ADCK2: variants seen among roughly 807,000 people sequenced by gnomAD.
ADCK2 encodes aarF domain containing kinase 2, also known as uncharacterized aarF domain-containing protein kinase 2.
In ADCK2, 37 loss-of-function variants were observed where a neutral mutation model predicts 52.3. The ratio of observed to expected loss-of-function variants is 0.71; its 90% CI spans 0.54 to 0.93. The LOEUF is 0.93. Among genes scored for constraint, ADCK2 ranks in the 40% least tolerant of loss-of-function variants. The pLI is 0.00. For missense variants in ADCK2, 695 were observed against 798.7 expected (o/e 0.87, Z 1.56); for synonymous variants, 321 against 349.2 (o/e 0.92, Z 0.90).
intron 2 of ADCK2, among the ~76,000 whole-genome samples, chr7:140,676,861 A>G (rs1794427428): frequency 6.6e-6 from 1 of 152,108 alleles, no homozygotes; most frequent in Non-Finnish European, 1.5e-5. Context: ...ATCTCTACCA[A>G]AAATACAAAA....
chr7:140,683,300 A>G (rs904840640), intron 4 of ADCK2, among the ~76,000 whole-genome samples: 23 of 152,082 alleles, frequency 1.5e-4, no homozygotes, highest in Non-Finnish European at 3.4e-4. Flanking sequence ...CAAACAAACA[A>G]ACAAACATAA....
At chr7:140,689,560 G>C (rs773908966) in intron 5 of ADCK2, 37 bp from the exon 6 acceptor site, 20 of 1,560,980 alleles carry the variant, frequency 1.3e-5, no homozygotes, top group Non-Finnish European at 1.6e-5. Flanking sequence ...GTTTATGCTA[G>C]CTCCACTCCA....
intron 2 of ADCK2, among the ~76,000 whole-genome samples, chr7:140,677,875 GC>G (rs1221699538): frequency 6.6e-6 from 1 of 152,186 alleles, no homozygotes; most frequent in Admixed American, 6.5e-5. Flanking sequence ...CAGTAAAGAA[GC>G]CAGAGGAGAG....
In ADCK2 at chr7:140,679,205, C is replaced by A; in HGVS notation, c.1131C>A (p.Phe377Leu). The A allele has an allele frequency of 6.2e-7, 1 of 1,614,116 alleles. No individual in the cohort carries two copies. The highest frequency in any genetic ancestry group is 8.5e-7 in the Non-Finnish European group (1 of 1,179,996). The change falls in exon 3 of 8, where the codon TTC becomes TTA. Residue 377 changes from phenylalanine (F) to leucine (L), a missense_variant. Phe to Leu is a conservative substitution (Grantham distance 22). Coordinates refer to ENST00000072869, the MANE Select transcript of ADCK2 (RefSeq NM_052853.4). ...AQNLEHFQVN[F>L]RNVKAVKFPT... ...ATCTAGAACACTTCCAGGTCAACTT[C>A]CGGAATGTGAAAGCCGTCAAGTTCC...
In ADCK2 at chr7:140,683,695, G is replaced by C. The variant is rs1585849047; in HGVS notation, c.1305+2558G>C. Among the ~76,000 whole-genome samples, 4 of 152,284 alleles carry C rather than the reference G, an allele frequency of 2.6e-5. No individual in the cohort carries two copies. In the South Asian group the frequency reaches 8.3e-4, roughly 32 times the overall value. On this transcript the variant is annotated intron_variant, in intron 4 of 7. Transcript: ENST00000072869. ...CAGAGCCGTGGTTTACAACAGGGTGGTTTTGTCTACCAGGGGACATCTGGC... is the reference window on the plus strand; with the variant it reads ...CAGAGCCGTGGTTTACAACAGGGTGCTTTTGTCTACCAGGGGACATCTGGC...
At chr7:140,680,651 A>G (rs1794500190) in intron 3 of ADCK2, among the ~76,000 whole-genome samples, 1 of 152,248 alleles carries the variant, frequency 6.6e-6, no homozygotes, top group South Asian at 2.1e-4. Context: ...GATAGCTGTT[A>G]TAGAAGGGAA....
intron 4 of ADCK2, among the ~76,000 whole-genome samples, chr7:140,686,039 C>T (rs1360966153): frequency 6.6e-6 from 1 of 152,174 alleles, no homozygotes; most frequent in Non-Finnish European, 1.5e-5. Context: ...CTGCTAGTGG[C>T]ACTTGCTCTC....
At chr7:140,680,256 C>G (rs765425096) in intron 3 of ADCK2, among the ~76,000 whole-genome samples, 2 of 151,688 alleles carry the variant, frequency 1.3e-5, no homozygotes, top group South Asian at 4.2e-4. Context: ...AGTGATCATT[C>G]CACCTCAGCC....
chr7:140,679,674 T>C (rs1480135849), intron 3 of ADCK2, among the ~76,000 whole-genome samples: 1 of 137,182 alleles, frequency 7.3e-6, no homozygotes, highest in Admixed American at 7.2e-5. Context: ...TTTTTTTTTT[T>C]TTTTTTTTTT....
At position 140,689,282 on chromosome 7, in the gene ADCK2, A is replaced by AT. The variant is rs969527383; in HGVS notation, c.1558-303dup. Among the ~76,000 whole-genome samples the AT allele has an allele frequency of 3.5e-4, 52 of 149,212 alleles. 1 individual carries two copies. Among genetic ancestry groups the AT allele is most frequent in the South Asian group, 2.6e-3 (12 of 4,688 alleles). On this transcript the variant is annotated intron_variant, in intron 5 of 7. Transcript: ENST00000072869. ...TGCATCTGGCTCTTTTTAAAAAAAA[A>AT]TTTTTTTTTTTTAAACAGCAAAATG...
Position 140,678,922 on chromosome 7 carries a change from C to T in ADCK2, c.1081-233C>T, listed in dbSNP as rs553145050. On this transcript the variant is annotated intron_variant, in intron 2 of 7. Transcript: ENST00000072869. The surrounding 1 kb of genome is among the most constrained non-coding windows in gnomAD (Gnocchi z 4.9). ...AGCAGAGAAGCAGTGCAGCCCAAAG[C>T]CCACCAGGGCACCTGCCGTCTGCAG... Among the ~76,000 whole-genome samples the T allele has an allele frequency of 1.1e-4, 16 of 152,270 alleles. No homozygotes were observed. The South Asian group carries it at 2.9e-3, about 28-fold the overall frequency.
At position 140,693,491 on chromosome 7, in the gene ADCK2, G is replaced by A. The variant is rs943206356; in HGVS notation, c.1741-1172G>A. Among the ~76,000 whole-genome samples the A allele has an allele frequency of 3.3e-5, 5 of 152,182 alleles. No individual in the cohort carries two copies. The highest frequency in any genetic ancestry group is 5.9e-5 in the Non-Finnish European group (4 of 68,032). On this transcript the variant is annotated intron_variant, in intron 7 of 7. Transcript: ENST00000072869. This position sits in a 1 kb window ranked among gnomAD's most constrained non-coding sequence, Gnocchi z 4.0. ...CTGTCCACTTAAAAAGCAGATTCCT[G>A]TTCTTCTAGGTTTACATCTGGCTCT...
intron 3 of ADCK2, 61 bp from the exon 4 acceptor site, chr7:140,680,981 G>A (rs981249590): frequency 8.1e-6 from 12 of 1,478,288 alleles, no homozygotes; most frequent in South Asian, 3.4e-5. Context: ...CCACGTGGGA[G>A]GAGGAGCCAG....
intron 4 of ADCK2, among the ~76,000 whole-genome samples, chr7:140,686,684 AC>A (rs1352123761): frequency 3.3e-5 from 5 of 152,052 alleles, no homozygotes; most frequent in Non-Finnish European, 5.9e-5. Flanking sequence ...GGCTCAAGTG[AC>A]CCTCCTTCGT....
rs539993371 is a variant in ADCK2 at position 140,693,397 on chromosome 7, G to A, written c.1741-1266G>A. ...CCCCGACAACCTTCCAGCCCTTAAC[G>A]GAGACAAATACTCTTTAATTTCTAA... is the stretch of plus-strand genomic sequence containing the variant. On this transcript the variant is annotated intron_variant, in intron 7 of 7. Transcript: ENST00000072869. This position sits in a 1 kb window ranked among gnomAD's most constrained non-coding sequence, Gnocchi z 4.0. 3.3e-5 allele frequency among the ~76,000 whole-genome samples: 5 copies of A among 152,258 alleles called. No homozygotes were observed. The highest frequency in any genetic ancestry group is 7.2e-5 in the African/African-American group (3 of 41,554).
At chr7:140,681,616 G>C (rs370085539) in intron 4 of ADCK2, among the ~76,000 whole-genome samples, 4 of 151,648 alleles carry the variant, frequency 2.6e-5, no homozygotes, top group African/African-American at 9.7e-5. Flanking sequence ...CACCACACCC[G>C]GCCTTTTTTT....
At chr7:140,687,320 C>T in intron 5 of ADCK2, 79 bp downstream of exon 5, 1 of 1,470,202 alleles carries the variant, frequency 6.8e-7, no homozygotes, top group East Asian at 2.5e-5. Flanking sequence ...TGGCTCAGAC[C>T]TGTAATCCCA....
rs533743268 is a variant in ADCK2 at position 140,685,802 on chromosome 7, C to G, written c.1306-1188C>G. 3.9e-5 allele frequency among the ~76,000 whole-genome samples: 6 copies of G among 152,318 alleles called. No individual in the cohort carries two copies. The East Asian group carries it at 1.2e-3, about 29-fold the overall frequency. ...CTCTGCTCCTGCCTTGGTCTCTCCT[C>G]TCATCCCCCGTGGAAGGATTGCTGG... On this transcript the variant is annotated intron_variant, in intron 4 of 7. Transcript: ENST00000072869.
intron 5 of ADCK2, among the ~76,000 whole-genome samples, chr7:140,687,879 T>G (rs963128844): frequency 6.6e-6 from 1 of 151,466 alleles, no homozygotes; most frequent in Non-Finnish European, 1.5e-5. Context: ...TCTTAGTTTT[T>G]TTTTTTTTTT....
Sources: gnomAD v4.1 joint callset for allele counts (sites outside exome capture counted in the v4.1 genomes callset) on GRCh38, gnomAD v4.1.1 for gene constraint, Gnocchi (gnomAD v3.1) non-coding constraint, MANE v1.5 for transcripts, NCBI Gene and HGNC (gene_info 2026-07-23, HGNC 2026-07-21) for gene names.